PTPRD: variants seen among roughly 807,000 people sequenced by gnomAD.
The protein encoded by PTPRD is protein tyrosine phosphatase receptor type D, also known as receptor-type tyrosine-protein phosphatase delta.
PTPRD carries 34 observed loss-of-function variants against 214.5 expected under a neutral mutation model. The ratio of observed to expected loss-of-function variants is 0.16; its 90% CI spans 0.12 to 0.21. PTPRD has a LOEUF of 0.21. Among genes scored for constraint, PTPRD ranks in the 10% least tolerant of loss-of-function variants. PTPRD has a pLI of 1.00. For missense variants in PTPRD, 2,545 were observed against 2,398.7 expected (o/e 1.06, Z -1.27); for synonymous variants, 1,128 against 845.7 (o/e 1.33, Z -5.79).
intron 7 of PTPRD, among the ~76,000 whole-genome samples, chr9:9,583,772 G>T (rs1020572157): frequency 2.0e-5 from 3 of 151,974 alleles, no homozygotes; most frequent in African/African-American, 7.2e-5. Flanking sequence ...CTGCACTAAA[G>T]CTCAGATAAG....
intron 3 of PTPRD, among the ~76,000 whole-genome samples, chr9:10,071,899 AT>A (rs1327041751): frequency 6.6e-6 from 1 of 151,888 alleles, no homozygotes. Flanking sequence ...TCTTGCTTCA[AT>A]TTTTTTCGTT....
intron 3 of PTPRD, among the ~76,000 whole-genome samples, chr9:10,117,253 T>A (rs1256248339): frequency 6.6e-6 from 1 of 152,218 alleles, no homozygotes; most frequent in South Asian, 2.1e-4. Flanking sequence ...AACAGTAAAT[T>A]AGCCCATTTT....
At chr9:9,699,267 GT>G (rs967873350) in intron 7 of PTPRD, among the ~76,000 whole-genome samples, 2 of 151,744 alleles carry the variant, frequency 1.3e-5, no homozygotes, top group Non-Finnish European at 2.9e-5. Flanking sequence ...AGACCTAGGT[GT>G]TTTTTCAAGC....
intron 39 of PTPRD, among the ~76,000 whole-genome samples, chr9:8,359,095 G>A (rs111795405): frequency 0.16 from 16,569 of 101,308 alleles, 1,955 homozygotes; most frequent in Admixed American, 0.35. Flanking sequence ...GCCACAGAGC[G>A]AGACTCCGTC....
At chr9:8,899,076 G>C (rs1199276654) in intron 11 of PTPRD, among the ~76,000 whole-genome samples, 1 of 152,102 alleles carries the variant, frequency 6.6e-6, no homozygotes, top group Non-Finnish European at 1.5e-5. Context: ...TTCTGTATCA[G>C]ATAATTTTTT....
rs746817899 is a variant in PTPRD, at chr9:10,220,943, C to G, written c.-545+120020G>C. Among the ~76,000 whole-genome samples the G allele has an allele frequency of 2.0e-5, 3 of 151,540 alleles. No individual in the cohort carries two copies. In the East Asian group the frequency reaches 5.8e-4, roughly 29 times the overall value. On this transcript the variant is annotated intron_variant, in intron 3 of 45. Coordinates refer to ENST00000381196, the MANE Select transcript of PTPRD (RefSeq NM_002839.4). ...ATGGACAAAAAATAAATAAATAAAA[C>G]AAAGAAATAAATATATTAAGAAATA...
chr9:9,988,165 T>G (rs1680418010), intron 4 of PTPRD, among the ~76,000 whole-genome samples: 1 of 152,132 alleles, frequency 6.6e-6, no homozygotes, highest in African/African-American at 2.4e-5. Flanking sequence ...ACATAATGAT[T>G]AAATTCTGCT....
At chr9:9,660,765 C>G (rs2096607627) in intron 7 of PTPRD, among the ~76,000 whole-genome samples, 4 of 151,892 alleles carry the variant, frequency 2.6e-5, no homozygotes, top group African/African-American at 9.7e-5. Context: ...TTTATTCCAA[C>G]ATATACACAG....
intron 3 of PTPRD, among the ~76,000 whole-genome samples, chr9:10,324,456 G>A (rs892456907): frequency 5.3e-5 from 8 of 151,972 alleles, no homozygotes; most frequent in Admixed American, 5.3e-4. Context: ...TCAAAGACAA[G>A]TTATATGGCC....
intron 2 of PTPRD, among the ~76,000 whole-genome samples, chr9:10,543,829 A>C (rs1366769049): frequency 6.6e-6 from 1 of 152,204 alleles, no homozygotes; most frequent in Non-Finnish European, 1.5e-5. Context: ...ATCTTAACAG[A>C]AACATAAAAT....
intron 9 of PTPRD, among the ~76,000 whole-genome samples, chr9:9,289,083 G>A (rs568109581): frequency 5.5e-4 from 83 of 151,712 alleles, no homozygotes; most frequent in Non-Finnish European, 9.6e-4. Context: ...CAGTAGTTAC[G>A]TCATGGAAAT....
intron 9 of PTPRD, among the ~76,000 whole-genome samples, chr9:9,395,456 G>C (rs1343388043): frequency 1.3e-5 from 2 of 152,084 alleles, no homozygotes; most frequent in Non-Finnish European, 1.5e-5. Context: ...CTTCACAGTT[G>C]ATTCTGATAT....
At chr9:8,746,693 C>T (rs1174518524) in intron 11 of PTPRD, among the ~76,000 whole-genome samples, 1 of 152,152 alleles carries the variant, frequency 6.6e-6, no homozygotes, top group Non-Finnish European at 1.5e-5. Context: ...ATAAAAACAT[C>T]GATCAAACTT....
chr9:9,432,119 G>A (rs568098238), intron 8 of PTPRD, among the ~76,000 whole-genome samples: 38 of 150,290 alleles, frequency 2.5e-4, no homozygotes, highest in Non-Finnish European at 5.0e-4. Flanking sequence ...GAAAGGGCAC[G>A]CAATATATAT....
At chr9:9,219,073 A>G (rs1002116927) in intron 9 of PTPRD, among the ~76,000 whole-genome samples, 2 of 152,194 alleles carry the variant, frequency 1.3e-5, no homozygotes, top group Non-Finnish European at 1.5e-5. Context: ...CGTGTGTGCC[A>G]ATTAAAATAT....
At chr9:9,989,012 T>C (rs2095815648) in intron 4 of PTPRD, among the ~76,000 whole-genome samples, 1 of 57,600 alleles carries the variant, frequency 1.7e-5, no homozygotes, top group African/African-American at 9.8e-5. Flanking sequence ...TTAGTTTCAC[T>C]GACCAAAAAA....
chr9:8,316,706 G>A lies in PTPRD; in HGVS notation c.*1168C>T, dbSNP rs28554480. ...CAAACAAACAAAACAATTTGTGGAT[G>A]TGATTGATTGGTTAGGTGGGGGTAG... On this transcript the variant is annotated 3_prime_UTR_variant, in exon 46 of 46. Coordinates refer to ENST00000381196, the MANE Select transcript of PTPRD (RefSeq NM_002839.4). 22,834 of 230,888 alleles carry A rather than the reference G, an allele frequency of 0.099. 2,236 individuals are homozygous for A. The highest frequency in any genetic ancestry group is 0.29 in the African/African-American group (13,197 of 45,130). The allele number at this position is 230,888 out of a possible 1,614,324, so 14.3% of individuals were successfully genotyped here.
At chr9:9,032,943 C>T (rs538492318) in intron 10 of PTPRD, among the ~76,000 whole-genome samples, 3 of 152,018 alleles carry the variant, frequency 2.0e-5, no homozygotes, top group East Asian at 3.9e-4. Flanking sequence ...CCTCTCTGTA[C>T]GGGACTCTCA....
At chr9:10,436,566 G>A (rs140800067) in intron 2 of PTPRD, among the ~76,000 whole-genome samples, 12 of 151,444 alleles carry the variant, frequency 7.9e-5, no homozygotes, top group East Asian at 2.0e-4. Flanking sequence ...TAAAATGCAC[G>A]TATTCTTACT....
Sources: allele counts gnomAD v4.1 joint callset (sites outside exome capture counted in the v4.1 genomes callset), GRCh38; gene constraint gnomAD v4.1.1; transcripts MANE v1.5; gene names NCBI Gene and HGNC (gene_info 2026-07-23, HGNC 2026-07-21).